The following DAPK1 variants were observed in gnomAD, a reference collection of about 807,000 sequenced individuals.
DAPK1 encodes death associated protein kinase 1, also known as death-associated protein kinase 1.
In DAPK1, 56 loss-of-function variants were observed where a neutral mutation model predicts 144.9. That is an observed-to-expected ratio of 0.39 (90% CI 0.31 to 0.48). The LOEUF is 0.48. Ranked by LOEUF, DAPK1 falls within the 20% of genes least tolerant of loss-of-function variation. The probability of loss-of-function intolerance (pLI) is 0.95; values close to 1 mark genes in which losing one functional copy is unlikely to be tolerated. For synonymous variants in DAPK1, 690 were observed against 749.0 expected (o/e 0.92, Z 1.29); for missense variants, 1,454 against 1,875.4 (o/e 0.78, Z 4.15).
intron 3 of DAPK1, among the ~76,000 whole-genome samples, chr9:87,606,252 G>A (rs1343981201): frequency 3.3e-5 from 5 of 152,140 alleles, no homozygotes; most frequent in Admixed American, 6.5e-5. Flanking sequence ...GCAATCCCAG[G>A]TGCCTGCGGT....
chr9:87,702,826 G>GC (rs1213768046), intron 24 of DAPK1, among the ~76,000 whole-genome samples: 1 of 152,004 alleles, frequency 6.6e-6, no homozygotes, highest in Non-Finnish European at 1.5e-5. Context: ...GATTACTTGA[G>GC]CCCAAGGGTT....
At chr9:87,656,418 C>G (rs1346355096) in intron 17 of DAPK1, among the ~76,000 whole-genome samples, 1 of 152,174 alleles carries the variant, frequency 6.6e-6, no homozygotes, top group African/African-American at 2.4e-5. Context: ...CAGCTTTCTT[C>G]CCTTCTAGAA....
At chr9:87,601,497 C>G (rs1452685662) in intron 2 of DAPK1, among the ~76,000 whole-genome samples, 3 of 149,916 alleles carry the variant, frequency 2.0e-5, no homozygotes, top group Non-Finnish European at 4.4e-5. Flanking sequence ...CACAGGACAG[C>G]CCTGTCATGG....
At chr9:87,587,415 A>C (rs1165228236) in intron 2 of DAPK1, among the ~76,000 whole-genome samples, 1 of 152,204 alleles carries the variant, frequency 6.6e-6, no homozygotes, top group Non-Finnish European at 1.5e-5. Flanking sequence ...CAAAGTCAGC[A>C]TGAGAAATTT....
chr9:87,659,873 G>A (rs1830774974), intron 18 of DAPK1, among the ~76,000 whole-genome samples: 1 of 152,178 alleles, frequency 6.6e-6, no homozygotes, highest in African/African-American at 2.4e-5. Flanking sequence ...AGAGCGGGGA[G>A]TCCAGAGGGA....
chr9:87,506,418 C>T (rs915266240), intron 2 of DAPK1, among the ~76,000 whole-genome samples: 5 of 152,238 alleles, frequency 3.3e-5, no homozygotes, highest in African/African-American at 1.2e-4. Flanking sequence ...TTCAGCCTTG[C>T]AGTTTGGAAT....
At chr9:87,561,291 C>T (rs1826908570) in intron 2 of DAPK1, among the ~76,000 whole-genome samples, 1 of 152,212 alleles carries the variant, frequency 6.6e-6, no homozygotes, top group Admixed American at 6.5e-5. Context: ...CTTTGGGAGG[C>T]CAAGGCGGGC....
intron 2 of DAPK1, among the ~76,000 whole-genome samples, chr9:87,523,547 A>G (rs1043911556): frequency 6.6e-6 from 1 of 152,112 alleles, no homozygotes; most frequent in Non-Finnish European, 1.5e-5. Context: ...CGATCTGCCT[A>G]CCTTGACCTC....
Position 87,677,491 on chromosome 9 carries a change from G to A in DAPK1, c.2002-3913G>A, listed in dbSNP as rs36217434. Among the ~76,000 whole-genome samples, 1,315 of 152,286 alleles carry A rather than the reference G, an allele frequency of 8.6e-3. 28 individuals are homozygous for A. The highest frequency in any genetic ancestry group is 0.029 in the African/African-American group (1,209 of 41,548). ...TGTGTGCTGAAGCTCAAAGTGTCAA[G>A]ATCCACAGGCACAAAACAGGAAGAA... On this transcript the variant is annotated intron_variant, in intron 19 of 25. Transcript: ENST00000408954.
chr9:87,652,535 G>A (rs1174950001), intron 17 of DAPK1, among the ~76,000 whole-genome samples: 3 of 144,424 alleles, frequency 2.1e-5, no homozygotes, highest in Non-Finnish European at 4.5e-5. Flanking sequence ...CCATGCCCCC[G>A]ATCCTGGGTC....
At chr9:87,631,499 A>G (rs1182869662) in intron 3 of DAPK1, among the ~76,000 whole-genome samples, 1 of 152,168 alleles carries the variant, frequency 6.6e-6, no homozygotes, top group Non-Finnish European at 1.5e-5. Context: ...AAAACAGCAA[A>G]TGTTCATTAG....
chr9:87,616,459 G>T (rs1185155047), intron 3 of DAPK1, among the ~76,000 whole-genome samples: 2 of 152,164 alleles, frequency 1.3e-5, no homozygotes, highest in African/African-American at 4.8e-5. Context: ...GAGAAGGACA[G>T]TTTTGGGGGG....
At chr9:87,657,480 C>T (rs914315620) in intron 17 of DAPK1, 9 of 162,460 alleles carry the variant, frequency 5.5e-5, no homozygotes, top group African/African-American at 2.2e-4. Context: ...TGACACTCTG[C>T]ACCTCTTCAA....
intron 21 of DAPK1, among the ~76,000 whole-genome samples, chr9:87,693,720 G>T (rs1025370374): frequency 3.3e-5 from 5 of 152,134 alleles, no homozygotes; most frequent in African/African-American, 1.2e-4. Context: ...TTTCATAGGG[G>T]AGGGCATTTT....
intron 2 of DAPK1, among the ~76,000 whole-genome samples, chr9:87,547,975 A>G (rs1826323126): frequency 6.6e-6 from 1 of 152,162 alleles, no homozygotes; most frequent in South Asian, 2.1e-4. Flanking sequence ...CACCTACCTC[A>G]CCCAGCTGGT....
chr9:87,555,597 G>C (rs369221301), intron 2 of DAPK1, among the ~76,000 whole-genome samples: 1 of 151,262 alleles, frequency 6.6e-6, no homozygotes, highest in Non-Finnish European at 1.5e-5. Flanking sequence ...TCTGCCTCCC[G>C]GGTTCAAGCA....
intron 3 of DAPK1, among the ~76,000 whole-genome samples, chr9:87,618,125 T>G (rs1476873498): frequency 6.6e-6 from 1 of 152,234 alleles, no homozygotes; most frequent in Non-Finnish European, 1.5e-5. Flanking sequence ...CCTGGATTCA[T>G]TACAAAACAG....
At chr9:87,545,429 G>C (rs1030030305) in intron 2 of DAPK1, among the ~76,000 whole-genome samples, 2 of 152,186 alleles carry the variant, frequency 1.3e-5, no homozygotes, top group African/African-American at 2.4e-5. Context: ...TAATTCATTA[G>C]TTTCAATTTT....
At chr9:87,680,696 A>T (rs532618236) in intron 19 of DAPK1, among the ~76,000 whole-genome samples, 21 of 151,964 alleles carry the variant, frequency 1.4e-4, no homozygotes, top group African/African-American at 5.1e-4. Flanking sequence ...CAGTTGCTCC[A>T]TCCAACTTGT....
Sources: allele counts gnomAD v4.1 joint callset (sites outside exome capture counted in the v4.1 genomes callset), GRCh38; gene constraint gnomAD v4.1.1; transcripts MANE v1.5; gene names NCBI Gene and HGNC (gene_info 2026-07-23, HGNC 2026-07-21).